DOCK6: variants seen among roughly 807,000 people sequenced by gnomAD.
DOCK6 encodes dedicator of cytokinesis 6.
DOCK6 carries 167 observed loss-of-function variants against 230.3 expected under a neutral mutation model. The ratio of observed to expected loss-of-function variants is 0.73; its 90% CI spans 0.64 to 0.82. DOCK6 has a LOEUF of 0.82. DOCK6 is among the 40% of genes least tolerant of loss of function. The pLI is 0.00. For synonymous variants in DOCK6, 1,148 were observed against 1,185.0 expected, an observed-to-expected ratio of 0.97 and a Z score of 0.64; for missense variants, 2,598 against 2,825.8, an observed-to-expected ratio of 0.92 and a Z score of 1.83.
rs1349720998 is a variant in DOCK6 at position 11,201,977 on chromosome 19, G to C, written c.5600C>G (p.Pro1867Arg). 3 of 1,613,782 alleles carry C rather than the reference G, an allele frequency of 1.9e-6. No individual in the cohort carries two copies. Among genetic ancestry groups the C allele is most frequent in the African/African-American group, 1.3e-5 (1 of 74,930 alleles). The change falls in exon 44 of 48, where the codon CCC becomes CGC. Residue 1867 changes from proline to arginine, a missense_variant. By Grantham distance (103) the Pro-to-Arg change is moderately radical. Coordinates refer to ENST00000294618, the MANE Select transcript of DOCK6 (RefSeq NM_020812.4). This position sits in a 1 kb window ranked among gnomAD's most constrained non-coding sequence, Gnocchi z 4.3. ...TPDGRAHGEL[P>R]EQHKRKTLLS... ...CAGCGTCTTACGCTTGTGTTGCTCGGGCAGCTCCCCGTGTGCGCGCCCATC... is the reference window on the plus strand; with the variant it reads ...CAGCGTCTTACGCTTGTGTTGCTCGCGCAGCTCCCCGTGTGCGCGCCCATC...
rs1454763125 is a variant in DOCK6 at position 11,200,115 on chromosome 19, C to T, written c.6101+193G>A. ...CAGTGAGCCAAGACTGTGCCAACTGCACTCCAGCCTGGGCAACAGAGGGAG... is the reference window on the plus strand; with the variant it reads ...CAGTGAGCCAAGACTGTGCCAACTGTACTCCAGCCTGGGCAACAGAGGGAG... On this transcript the variant is annotated intron_variant, in intron 47 of 47. Coordinates refer to ENST00000294618, the MANE Select transcript of DOCK6 (RefSeq NM_020812.4). This position sits in a 1 kb window ranked among gnomAD's most constrained non-coding sequence, Gnocchi z 4.3. Among the ~76,000 whole-genome samples, 2 of 149,034 alleles carry T rather than the reference C, an allele frequency of 1.3e-5. No individual in the cohort carries two copies. The highest frequency in any genetic ancestry group is 2.0e-4 in the East Asian group (1 of 5,032).
chr19:11,207,561 G>A (rs2079282698), intron 39 of DOCK6, among the ~76,000 whole-genome samples: 1 of 152,092 alleles, frequency 6.6e-6, no homozygotes. Flanking sequence ...GGAGGCTTGG[G>A]TGGGAGGATT....
intron 14 of DOCK6, among the ~76,000 whole-genome samples, chr19:11,241,091 A>G (rs1041691286): frequency 1.3e-5 from 2 of 151,946 alleles, no homozygotes; most frequent in African/African-American, 4.8e-5. Flanking sequence ...CTAAAAATAC[A>G]AAAAATTAGC....
rs200487197 is a variant in DOCK6 at position 11,222,036 on chromosome 19, G to T, written c.3381-16C>A. The T allele has an allele frequency of 3.1e-6, 5 of 1,607,858 alleles. No individual in the cohort carries two copies. The East Asian group carries it at 1.1e-4, about 36-fold the overall frequency. ...CAGGAATGCCCTATGGGGTAATGAG[G>T]TGCTCAGGACAGGGTGGACATGGCT... On this transcript the variant is annotated splice_polypyrimidine_tract_variant and intron_variant, in intron 27 of 47. Coordinates refer to ENST00000294618, the MANE Select transcript of DOCK6 (RefSeq NM_020812.4). The surrounding 1 kb of genome is among the most constrained non-coding windows in gnomAD (Gnocchi z 4.0).
At chr19:11,221,686 A>C in intron 28 of DOCK6, 165 bp downstream of exon 28, 4 of 972,954 alleles carry the variant, frequency 4.1e-6, no homozygotes, top group Non-Finnish European at 6.1e-6. Context: ...CCTGAGGCTC[A>C]GAGATGTTAT....
chr19:11,246,380 A>G (rs1308238143), intron 7 of DOCK6, among the ~76,000 whole-genome samples: 1 of 152,000 alleles, frequency 6.6e-6, no homozygotes, highest in African/African-American at 2.4e-5. Context: ...TGCTGGGATA[A>G]TAGGCATGAG....
rs1456492625 is a variant in DOCK6 at position 11,233,188 on chromosome 19, C to T, written c.2718+15G>A. On this transcript the variant is annotated intron_variant, in intron 22 of 47. Transcript: ENST00000294618. ...ACCACTGAGGCTGGAGATTCCAGGGCCCCCGTTGCCCTACCTTGCTGGCCA... is the reference window on the plus strand; with the variant it reads ...ACCACTGAGGCTGGAGATTCCAGGGTCCCCGTTGCCCTACCTTGCTGGCCA... 6.8e-6 allele frequency: 11 copies of T among 1,609,990 alleles called. No individual in the cohort carries two copies. Among genetic ancestry groups the T allele is most frequent in the Non-Finnish European group, 9.3e-6 (11 of 1,178,134 alleles).
At chr19:11,249,914 A>AAG (rs1555696882) in intron 6 of DOCK6, among the ~76,000 whole-genome samples, 1 of 151,586 alleles carries the variant, frequency 6.6e-6, no homozygotes, top group East Asian at 1.9e-4. Flanking sequence ...AAAAAAAAAA[A>AAG]AAAAAGCTAT....
At chr19:11,244,601 CA>C (rs2080004100) in intron 9 of DOCK6, among the ~76,000 whole-genome samples, 1 of 152,004 alleles carries the variant, frequency 6.6e-6, no homozygotes, top group Non-Finnish European at 1.5e-5. Flanking sequence ...GCTGGGACTA[CA>C]AGCGCCTGCT....
chr19:11,224,525 A>G (rs2079634059), intron 24 of DOCK6, among the ~76,000 whole-genome samples: 1 of 151,988 alleles, frequency 6.6e-6, no homozygotes, highest in African/African-American at 2.4e-5. Context: ...ATTACTTGTC[A>G]CCAACCTTAA....
chr19:11,225,058 C>T (rs1287110048), intron 24 of DOCK6, among the ~76,000 whole-genome samples: 9 of 150,296 alleles, frequency 6.0e-5, no homozygotes, highest in African/African-American at 1.2e-4. Flanking sequence ...AATGAGACTC[C>T]GTCTCAAAAA....
At position 11,219,585 on chromosome 19, in the gene DOCK6, C is replaced by G. The variant is rs539552333; in HGVS notation, c.3551-2194G>C. Among the ~76,000 whole-genome samples, 340 of 151,726 alleles carry G rather than the reference C, an allele frequency of 2.2e-3. 1 individual carries two copies. The highest frequency in any genetic ancestry group is 7.6e-3 in the African/African-American group (316 of 41,442). On this transcript the variant is annotated intron_variant, in intron 28 of 47. Coordinates refer to ENST00000294618, the MANE Select transcript of DOCK6 (RefSeq NM_020812.4). The stretch of plus-strand genomic sequence containing the variant: ...CGGGAGGATCACAAGGTCAGGAGAT[C>G]GAGACCATCCTGGTTAATACAGTGA...
chr19:11,246,470 C>T (rs531121934), intron 7 of DOCK6, among the ~76,000 whole-genome samples: 5 of 152,182 alleles, frequency 3.3e-5, no homozygotes, highest in African/African-American at 4.8e-5. Context: ...GGCTGAAGTG[C>T]GTGGTGGGAT....
intron 1 of DOCK6, among the ~76,000 whole-genome samples, chr19:11,258,536 G>A (rs1197105990): frequency 6.6e-6 from 1 of 150,576 alleles, no homozygotes; most frequent in Non-Finnish European, 1.5e-5. Context: ...GGGTTCAAGC[G>A]ATTCTCCTGC....
chr19:11,235,595 C>A lies in DOCK6; in HGVS notation c.2554+3G>T, dbSNP rs1227627229. 1 of 1,580,064 alleles carries A rather than the reference C, an allele frequency of 6.3e-7. No homozygotes were observed. Among genetic ancestry groups the A allele is most frequent in the Non-Finnish European group, 8.6e-7 (1 of 1,158,600 alleles). On this transcript the variant is annotated splice_donor_region_variant and intron_variant, in intron 21 of 47. Transcript: ENST00000294618. Reference sequence around the variant, plus strand: ...CGTCTCACAGGGATTTCTACAAACTCACCATCCGGGAGGCTGGGCTCAGTG... The same window carrying A: ...CGTCTCACAGGGATTTCTACAAACTAACCATCCGGGAGGCTGGGCTCAGTG...
intron 14 of DOCK6, among the ~76,000 whole-genome samples, chr19:11,239,370 C>A (rs2079902951): frequency 6.6e-6 from 1 of 152,194 alleles, no homozygotes; most frequent in Non-Finnish European, 1.5e-5. Flanking sequence ...ACAGGCTCAG[C>A]ATGGTGAGTC....
chr19:11,220,502 A>G (rs2079563088), intron 28 of DOCK6, among the ~76,000 whole-genome samples: 1 of 152,168 alleles, frequency 6.6e-6, no homozygotes. Flanking sequence ...TCTGCCTAAG[A>G]GAGGGAAAGG....
chr19:11,241,500 G>A (rs768124706), intron 14 of DOCK6: 30 of 1,552,596 alleles, frequency 1.9e-5, no homozygotes, highest in Middle Eastern at 1.7e-4. Context: ...CACGTGCAGC[G>A]GCAGAGGCGG....
At chr19:11,216,763 G>T in intron 30 of DOCK6, 151 bp downstream of exon 30, 1 of 787,538 alleles carries the variant, frequency 1.3e-6, no homozygotes, top group Non-Finnish European at 2.1e-6. Context: ...CCTTGCCTCA[G>T]CACAGAAACA....
Sources: gnomAD v4.1 joint callset for allele counts (sites outside exome capture counted in the v4.1 genomes callset) on GRCh38, gnomAD v4.1.1 for gene constraint, Gnocchi (gnomAD v3.1) non-coding constraint, MANE v1.5 for transcripts, NCBI Gene and HGNC (gene_info 2026-07-23, HGNC 2026-07-21) for gene names.